The following ERC2 variants were observed in gnomAD, a reference collection of about 807,000 sequenced individuals.
ERC2 encodes the protein ELKS/RAB6-interacting/CAST family member 2.
ERC2 carries 42 observed loss-of-function variants against 114.8 expected under a neutral mutation model. The ratio of observed to expected loss-of-function variants is 0.37; its 90% confidence interval spans 0.29 to 0.47. The LOEUF (loss-of-function observed/expected upper bound fraction) is 0.47. Ranked by LOEUF, ERC2 falls within the 20% of genes least tolerant of loss-of-function variation. ERC2 has a pLI of 0.99. For synonymous variants in ERC2, 454 were observed against 425.5 expected, an observed-to-expected ratio of 1.07 and a Z score of -0.82; for missense variants, 939 against 1,150.7, an observed-to-expected ratio of 0.82 and a Z score of 2.66.
At chr3:55,866,391 T>C (rs1340532239) in intron 14 of ERC2, among the ~76,000 whole-genome samples, 1 of 152,190 alleles carries the variant, frequency 6.6e-6, no homozygotes, top group Admixed American at 6.6e-5. Context: ...GAAATATGAC[T>C]TGCAAATATT....
At chr3:56,162,387 C>T (rs564645399) in intron 4 of ERC2, among the ~76,000 whole-genome samples, 2 of 152,158 alleles carry the variant, frequency 1.3e-5, no homozygotes, top group Admixed American at 6.5e-5. Flanking sequence ...GTGATACTGA[C>T]GTTGTAGAAT....
At chr3:56,261,998 G>A (rs1262552681) in intron 3 of ERC2, among the ~76,000 whole-genome samples, 1 of 152,082 alleles carries the variant, frequency 6.6e-6, no homozygotes, top group Non-Finnish European at 1.5e-5. Flanking sequence ...GTTTGCTAAG[G>A]ATAAGGGCCT....
At chr3:55,711,849 T>C (rs2063794648) in intron 15 of ERC2, among the ~76,000 whole-genome samples, 1 of 152,212 alleles carries the variant, frequency 6.6e-6, no homozygotes, top group Non-Finnish European at 1.5e-5. Context: ...TATAATGTGC[T>C]AGGAAAAAAC....
chr3:55,741,683 C>G (rs1277381370), intron 14 of ERC2, among the ~76,000 whole-genome samples: 1 of 152,094 alleles, frequency 6.6e-6, no homozygotes, highest in Admixed American at 6.6e-5. Flanking sequence ...ATCTTGAGAA[C>G]ATTGCCATCC....
chr3:55,604,045 G>C (rs2058534879), intron 17 of ERC2, among the ~76,000 whole-genome samples: 1 of 152,136 alleles, frequency 6.6e-6, no homozygotes, highest in African/African-American at 2.4e-5. Flanking sequence ...CTCTCAGAGA[G>C]AGAAAGCAAT....
At chr3:56,012,476 C>T (rs1391181033) in intron 8 of ERC2, among the ~76,000 whole-genome samples, 1 of 152,080 alleles carries the variant, frequency 6.6e-6, no homozygotes, top group African/African-American at 2.4e-5. Flanking sequence ...GTCTTCTTGA[C>T]CCACAGCTGG....
intron 17 of ERC2, among the ~76,000 whole-genome samples, chr3:55,530,238 A>G (rs2053582162): frequency 6.6e-6 from 1 of 152,170 alleles, no homozygotes; most frequent in Non-Finnish European, 1.5e-5. Context: ...TGGACCAGGG[A>G]TTGGTAAGAT....
chr3:55,833,128 T>C (rs1364926964), intron 14 of ERC2, among the ~76,000 whole-genome samples: 63 of 149,578 alleles, frequency 4.2e-4, no homozygotes, highest in Non-Finnish European at 2.9e-5. Context: ...CAAATCTACG[T>C]CTGATTGGTG....
At chr3:55,915,748 A>T (rs1275249724) in intron 13 of ERC2, among the ~76,000 whole-genome samples, 1 of 152,156 alleles carries the variant, frequency 6.6e-6, no homozygotes, top group Non-Finnish European at 1.5e-5. Context: ...AATTAAGATC[A>T]TCGAGGGGAG....
chr3:55,861,165 T>TCC (rs2062012006), intron 14 of ERC2, among the ~76,000 whole-genome samples: 1 of 152,226 alleles, frequency 6.6e-6, no homozygotes, highest in Non-Finnish European at 1.5e-5. Flanking sequence ...AAGTTGCTTT[T>TCC]CCCCCTTTTG....
intron 13 of ERC2, among the ~76,000 whole-genome samples, chr3:55,898,290 G>C (rs777857504): frequency 4.6e-5 from 7 of 152,056 alleles, no homozygotes; most frequent in Non-Finnish European, 7.4e-5. Flanking sequence ...GTGGTGTAGG[G>C]GTATATCTCG....
At chr3:56,026,681 T>C (rs1187692366) in intron 7 of ERC2, among the ~76,000 whole-genome samples, 1 of 152,232 alleles carries the variant, frequency 6.6e-6, no homozygotes, top group Non-Finnish European at 1.5e-5. Context: ...AAGAGAGTCC[T>C]TTATTCTTTA....
intron 7 of ERC2, among the ~76,000 whole-genome samples, chr3:56,032,895 G>GGC (rs1560055951): frequency 8.4e-5 from 8 of 95,036 alleles, no homozygotes; most frequent in African/African-American, 2.8e-4. Context: ...AAGAGAGAGA[G>GGC]AGAGACAGAA....
chr3:56,126,586 A>G (rs2079876833), intron 6 of ERC2, among the ~76,000 whole-genome samples: 1 of 152,044 alleles, frequency 6.6e-6, no homozygotes, highest in Non-Finnish European at 1.5e-5. Flanking sequence ...GCAAGACCTC[A>G]TTTCTACAGA....
chr3:56,159,382 T>TA (rs1366033938), intron 4 of ERC2, among the ~76,000 whole-genome samples: 1 of 152,232 alleles, frequency 6.6e-6, no homozygotes, highest in Non-Finnish European at 1.5e-5. Flanking sequence ...GTCAACATTT[T>TA]AGTACATTTT....
At chr3:56,070,295 T>C (rs1382174149) in intron 7 of ERC2, among the ~76,000 whole-genome samples, 1 of 152,182 alleles carries the variant, frequency 6.6e-6, no homozygotes, top group Non-Finnish European at 1.5e-5. Context: ...ATGTAAAGGC[T>C]CAACCACCTC....
rs529870855 is a variant in ERC2 at position 55,896,502 on chromosome 3, A to G, written c.2404-7953T>C. Among the ~76,000 whole-genome samples, 23 of 152,392 alleles carry G rather than the reference A, an allele frequency of 1.5e-4. No homozygotes were observed. The South Asian group carries it at 4.8e-3, about 32-fold the overall frequency. On this transcript the variant is annotated intron_variant, in intron 13 of 17. Coordinates refer to ENST00000288221, the MANE Select transcript of ERC2 (RefSeq NM_015576.3). ...AGCAACCCATTTGTCTCTATTTAACACAGCATGTGCTTCTTTTAGAAGTAC... is the reference window on the plus strand; with the variant it reads ...AGCAACCCATTTGTCTCTATTTAACGCAGCATGTGCTTCTTTTAGAAGTAC...
At chr3:55,881,625 T>C (rs2063121395) in intron 14 of ERC2, among the ~76,000 whole-genome samples, 2 of 152,176 alleles carry the variant, frequency 1.3e-5, no homozygotes, top group South Asian at 4.1e-4. Flanking sequence ...GATTTTTAAG[T>C]ACTGTATCTC....
At position 55,550,755 on chromosome 3, in the gene ERC2, G is replaced by A. The variant is rs949958592; in HGVS notation, c.*40-39479C>T. 4.6e-5 allele frequency among the ~76,000 whole-genome samples: 7 copies of A among 152,106 alleles called. 1 individual carries two copies. The highest frequency in any genetic ancestry group is 6.5e-5 in the Admixed American group (1 of 15,268). On this transcript the variant is annotated intron_variant, in intron 17 of 17. Coordinates refer to ENST00000288221, the MANE Select transcript of ERC2 (RefSeq NM_015576.3). ...ATAGGGGCCGGGCGCAGTGGCTCAC[G>A]CCTATAATCCCAGCACTTTGGGAGG...
Sources: gnomAD v4.1 joint callset for allele counts (sites outside exome capture counted in the v4.1 genomes callset) on GRCh38, gnomAD v4.1.1 for gene constraint, MANE v1.5 for transcripts, NCBI Gene and HGNC (gene_info 2026-07-23, HGNC 2026-07-21) for gene names.